Variants in C16orf46 observed in about 807,000 individuals in gnomAD.
C16orf46 encodes the protein chromosome 16 open reading frame 46.
C16orf46 carries 7 observed loss-of-function variants against 5.5 expected under a neutral mutation model. The observed-to-expected ratio is 1.28, with a 90% CI of 0.73 to 2.40. The LOEUF is 2.40. Ranked by LOEUF, C16orf46 falls within the 30% of genes most tolerant of loss-of-function variation. The probability of loss-of-function intolerance (pLI) is 0.00; values close to 1 mark genes in which losing one functional copy is unlikely to be tolerated. For synonymous variants in C16orf46, 200 were observed against 184.1 expected (o/e 1.09, Z -0.70); for missense variants, 614 against 476.0 (o/e 1.29, Z -2.70).
chr16:81,064,025 T>C, intron 2 of C16orf46, 32 bp from the exon 3 acceptor site: 1 of 1,173,256 alleles, frequency 8.5e-7, no homozygotes, highest in Non-Finnish European at 1.2e-6. Context: ...ACTTCGTTTT[T>C]AATATTAATT....
At chr16:81,055,025 G>C (rs1286947119) in intron 3 of C16orf46, among the ~76,000 whole-genome samples, 1 of 152,206 alleles carries the variant, frequency 6.6e-6, no homozygotes, top group Non-Finnish European at 1.5e-5. Context: ...GAACTCTTCA[G>C]AGTTAAAGTT....
downstream of C16orf46, among the ~76,000 whole-genome samples, chr16:81,059,937 C>T (rs530720198): frequency 2.2e-4 from 33 of 151,848 alleles, no homozygotes; most frequent in East Asian, 7.8e-4. Flanking sequence ...TACAGAAGCC[C>T]GCCACCACGC....
downstream of C16orf46, chr16:81,056,423 C>G (rs2549901): frequency 6.6e-6 from 1 of 151,988 alleles, no homozygotes; most frequent in African/African-American, 2.4e-5. Context: ...TCGCAGGGTG[C>G]GGTGGCTCAC....
At position 81,061,411 on chromosome 16, in the gene C16orf46, G is replaced by A. The variant is rs1971464421; in HGVS notation, c.938C>T (p.Pro313Leu). 11 of 1,614,070 alleles carry A rather than the reference G, an allele frequency of 6.8e-6. No homozygotes were observed. Among genetic ancestry groups the A allele is most frequent in the African/African-American group, 1.3e-5 (1 of 74,920 alleles). The change falls in exon 4 of 4, where the codon CCA becomes CTA. Residue 313 changes from proline to leucine, a missense_variant. Pro to Leu is a moderately conservative substitution (Grantham distance 98, BLOSUM62 -3). Transcript: ENST00000299578. ...AAGGTAGCGAACGTTGCTGGGGTCTGGAGGGCACGCCAGGTTTTTCTCAGA... is the reference window on the plus strand; with the variant it reads ...AAGGTAGCGAACGTTGCTGGGGTCTAGAGGGCACGCCAGGTTTTTCTCAGA... ...LLSEKNLACP[P>L]DPSNVRYLAA...
chr16:81,069,835 ACCTTTTTCACCAGGCATGGTGGCTCACG>A (rs1241757626), intron 1 of C16orf46: 1 of 152,196 alleles, frequency 6.6e-6, no homozygotes, highest in Non-Finnish European at 1.5e-5. Flanking sequence ...TGTTCTTAAA[ACCTTTTTCACCAGGCATGGTGGCTCACG>A]CCTGTAATCC....
chr16:81,068,413 A>C (rs1038805315), intron 1 of C16orf46, among the ~76,000 whole-genome samples: 10 of 152,246 alleles, frequency 6.6e-5, no homozygotes, highest in African/African-American at 2.4e-4. Flanking sequence ...CAAATAAGTA[A>C]CACTGCCCAA....
At chr16:81,054,753 C>G (rs931543528) in intron 3 of C16orf46, among the ~76,000 whole-genome samples, 16 of 152,070 alleles carry the variant, frequency 1.1e-4, no homozygotes, top group African/African-American at 3.9e-4. Context: ...GGTTCAAGAC[C>G]TTCTTATGCC....
Position 81,062,073 on chromosome 16 carries a change from C to G in C16orf46, c.276G>C (p.Ala92=). Reference sequence around the variant, plus strand: ...CGCTGCAGGCACCTTCCCCTACCCTCGCCTTTTTTGGTATCTTCCTCGGCC... The same window carrying G: ...CGCTGCAGGCACCTTCCCCTACCCTGGCCTTTTTTGGTATCTTCCTCGGCC... ...CIWPRKIPKK[A]RVGEGACSDC... Residue 92 remains alanine, a synonymous_variant, in exon 4 of 4, where the codon GCG becomes GCC. Transcript: ENST00000299578. The G allele has an allele frequency of 6.2e-7, 1 of 1,611,402 alleles. No homozygotes were observed. Among genetic ancestry groups the G allele is most frequent in the Non-Finnish European group, 8.5e-7 (1 of 1,179,908 alleles).
At chr16:81,055,814 G>A (rs1175023340) in intron 3 of C16orf46, among the ~76,000 whole-genome samples, 8 of 152,152 alleles carry the variant, frequency 5.3e-5, no homozygotes, top group Admixed American at 6.5e-5. Flanking sequence ...CTGCCTCCCC[G>A]GGTTCAAGCG....
chr16:81,062,274 TC>T, intron 3 of C16orf46, 136 bp from the exon 4 acceptor site: 2 of 668,834 alleles, frequency 3.0e-6, no homozygotes, highest in East Asian at 3.1e-5. Context: ...TACTACCCCT[TC>T]CCCCACTAAT....
intron 2 of C16orf46, 36 bp from the exon 3 acceptor site, chr16:81,064,029 A>C (rs1971573173): frequency 8.6e-7 from 1 of 1,160,272 alleles, no homozygotes; most frequent in Non-Finnish European, 1.2e-6. Context: ...CGTTTTTAAT[A>C]TTAATTTTTT....
downstream of C16orf46, among the ~76,000 whole-genome samples, chr16:81,059,858 C>T (rs554852027): frequency 7.9e-5 from 12 of 151,440 alleles, no homozygotes; most frequent in Admixed American, 5.9e-4. Context: ...GCACGATCTC[C>T]GCTCACTGCA....
downstream of C16orf46, among the ~76,000 whole-genome samples, chr16:81,057,188 G>A (rs182021458): frequency 6.6e-5 from 10 of 152,256 alleles, no homozygotes; most frequent in Non-Finnish European, 1.5e-4. Context: ...GGGTGGCTTT[G>A]AGCATTGCTG....
At chr16:81,054,838 G>T (rs10400995) in intron 3 of C16orf46, among the ~76,000 whole-genome samples, 4,165 of 147,280 alleles carry the variant, frequency 0.028, 158 homozygotes, top group African/African-American at 0.098. Flanking sequence ...AGTAGAGGCA[G>T]GGTTTTGCCA....
chr16:81,064,505 T>G (rs537361597), intron 2 of C16orf46, among the ~76,000 whole-genome samples: 283 of 152,232 alleles, frequency 1.9e-3, no homozygotes, highest in African/African-American at 6.5e-3. Context: ...CTCAGCACGT[T>G]GGGATGCTGA....
chr16:81,058,281 T>C (rs1217675023), downstream of C16orf46, among the ~76,000 whole-genome samples: 1 of 152,188 alleles, frequency 6.6e-6, no homozygotes, highest in Non-Finnish European at 1.5e-5. Context: ...TGGTTCTTAT[T>C]TTTACTTATT....
intron 1 of C16orf46, chr16:81,072,095 C>T (rs1971874893): frequency 6.6e-6 from 1 of 152,234 alleles, no homozygotes; most frequent in Non-Finnish European, 1.5e-5. Context: ...TGGAAGAAGC[C>T]TAGATTTTGA....
chr16:81,060,998 A>T lies in C16orf46; in HGVS notation c.*163T>A. 1 of 1,390,524 alleles carries T rather than the reference A, an allele frequency of 7.2e-7. No individual in the cohort carries two copies. Among genetic ancestry groups the T allele is most frequent in the South Asian group, 1.8e-5 (1 of 54,974 alleles). The allele number at this position is 1,390,524 out of a possible 1,614,324, so 86.1% of individuals were successfully genotyped here. ...AATCCACTGAGGTTCAGTTTTCTTCAGTTGTACTACAAAAAAAAAATGGAG... is the reference window on the plus strand; with the variant it reads ...AATCCACTGAGGTTCAGTTTTCTTCTGTTGTACTACAAAAAAAAAATGGAG... On this transcript the variant is annotated 3_prime_UTR_variant, in exon 4 of 4. Transcript: ENST00000299578.
In C16orf46 at chr16:81,063,878, TTC is replaced by T. The variant is rs756885120; in HGVS notation, c.76_77del (p.Glu26ThrfsTer11). The T allele has an allele frequency of 5.0e-6, 8 of 1,613,684 alleles. 1 individual carries two copies. The South Asian group carries it at 5.5e-5, about 11-fold the overall frequency. ...TTCCATCTGGACAAGTATAGGTTGG[TTC>T]TGTTTCTTCTGTGAACTGAATTTCA... Reference protein sequence around the residue: ...NNEIQFTEETEPTYTCPDGKS... With the variant: ...NNEIQFTEETXPTYTCPDGKS... On this transcript the variant is annotated frameshift_variant, in exon 3 of 4. Coordinates refer to ENST00000299578, the MANE Select transcript of C16orf46 (RefSeq NM_152337.3). LOFTEE classifies it high-confidence loss of function.
Sources: gnomAD v4.1 joint callset for allele counts (sites outside exome capture counted in the v4.1 genomes callset) on GRCh38, gnomAD v4.1.1 for gene constraint, MANE v1.5 for transcripts, NCBI Gene and HGNC (gene_info 2026-07-23, HGNC 2026-07-21) for gene names.